Variants in RIGI observed in about 807,000 individuals in gnomAD.
RIGI encodes RNA sensor RIG-I, also known as antiviral innate immune response receptor RIG-I.
chr9:32,472,333 A>G, the RIGI span, among the ~76,000 whole-genome samples: 4 of 152,250 alleles, frequency 2.6e-5, no homozygotes, highest in Non-Finnish European at 5.9e-5. Context: ...TCTGCAGGAC[A>G]TATGAGAGGA....
chr9:32,472,427 G>A, the RIGI span, among the ~76,000 whole-genome samples: 22,541 of 152,164 alleles, frequency 0.15, 1,873 homozygotes, highest in African/African-American at 0.22. Context: ...ACTTGGCTAG[G>A]CCAAACAACA....
At chr9:32,472,012 C>G in the RIGI span, among the ~76,000 whole-genome samples, 1 of 152,016 alleles carries the variant, frequency 6.6e-6, no homozygotes, top group Non-Finnish European at 1.5e-5. Flanking sequence ...GTGCCAGTCA[C>G]TGAGGGGTGG....
At chr9:32,498,281 C>A in the RIGI span, 2 of 456,582 alleles carry the variant, frequency 4.4e-6, no homozygotes, top group African/African-American at 4.0e-5. Context: ...AGTTTTTGAA[C>A]ATGGGTCCCA....
the RIGI span, among the ~76,000 whole-genome samples, chr9:32,521,481 G>A: frequency 6.6e-6 from 1 of 152,096 alleles, no homozygotes; most frequent in South Asian, 2.1e-4. Flanking sequence ...TAACTATTTT[G>A]TAGCGACCTG....
At chr9:32,507,511 C>G in the RIGI span, among the ~76,000 whole-genome samples, 1 of 151,894 alleles carries the variant, frequency 6.6e-6, no homozygotes, top group African/African-American at 2.4e-5. Flanking sequence ...TTATGTGTAC[C>G]AAATCTTCAC....
At chr9:32,491,447 A>G in the RIGI span, 2 of 1,559,850 alleles carry the variant, frequency 1.3e-6, no homozygotes, top group African/African-American at 1.4e-5. Flanking sequence ...AAGTCTTAGA[A>G]TCTTCACATA....
the RIGI span, among the ~76,000 whole-genome samples, chr9:32,515,955 G>A: frequency 9.2e-4 from 140 of 152,202 alleles, no homozygotes; most frequent in African/African-American, 3.0e-3. Context: ...ACAGGATTCC[G>A]TCCCAGGCTC....
the RIGI span, among the ~76,000 whole-genome samples, chr9:32,466,745 G>A: frequency 6.9e-6 from 1 of 144,346 alleles, no homozygotes; most frequent in Non-Finnish European, 1.5e-5. Flanking sequence ...GCACCTGCAT[G>A]TTAAATATGT....
At chr9:32,482,129 C>T in the RIGI span, among the ~76,000 whole-genome samples, 1 of 152,084 alleles carries the variant, frequency 6.6e-6, no homozygotes, top group Non-Finnish European at 1.5e-5. Context: ...AAACTGTTCT[C>T]CCTACCTCTT....
the RIGI span, among the ~76,000 whole-genome samples, chr9:32,524,727 T>C: frequency 6.8e-6 from 1 of 147,600 alleles, no homozygotes; most frequent in Non-Finnish European, 1.5e-5. Flanking sequence ...CTCAGCCTCC[T>C]GAGTAGCTGG....
At chr9:32,483,160 C>T in the RIGI span, among the ~76,000 whole-genome samples, 4 of 152,040 alleles carry the variant, frequency 2.6e-5, no homozygotes, top group Non-Finnish European at 4.4e-5. Context: ...GGTATCAGTT[C>T]GCCAGGGCTC....
chr9:32,518,992 G>C, the RIGI span, among the ~76,000 whole-genome samples: 3 of 152,176 alleles, frequency 2.0e-5, no homozygotes, highest in South Asian at 6.2e-4. Flanking sequence ...TTACAGGCCT[G>C]AGCCACCACG....
the RIGI span, chr9:32,480,439 AT>A: frequency 7.5e-7 from 1 of 1,337,538 alleles, no homozygotes; most frequent in Non-Finnish European, 9.9e-7. Flanking sequence ...TATTTAACGA[AT>A]TGTTTTAAGA....
chr9:32,494,856 CTTTTT>C, the RIGI span, among the ~76,000 whole-genome samples: 1 of 147,992 alleles, frequency 6.8e-6, no homozygotes, highest in African/African-American at 2.5e-5. Flanking sequence ...CCAGGATTTC[CTTTTT>C]TTTTTAAGGC....
the RIGI span, chr9:32,472,926 T>C: frequency 4.6e-6 from 6 of 1,309,246 alleles, no homozygotes; most frequent in Non-Finnish European, 5.4e-6. Context: ...CACACACACA[T>C]ATTCTTAAAT....
the RIGI span, among the ~76,000 whole-genome samples, chr9:32,479,800 G>A: frequency 1.3e-5 from 2 of 148,942 alleles, no homozygotes; most frequent in Non-Finnish European, 3.0e-5. Flanking sequence ...TTGAGCCACT[G>A]CACTTGACCC....
the RIGI span, among the ~76,000 whole-genome samples, chr9:32,457,867 C>T: frequency 6.6e-6 from 1 of 152,170 alleles, no homozygotes; most frequent in Admixed American, 6.5e-5. Context: ...ACAGGCCCCA[C>T]CTAGAGTCAA....
At chr9:32,517,559 A>G in the RIGI span, among the ~76,000 whole-genome samples, 3 of 152,202 alleles carry the variant, frequency 2.0e-5, no homozygotes, top group Non-Finnish European at 4.4e-5. Context: ...AAAAATAGAA[A>G]TGTCTTCAGA....
the RIGI span, chr9:32,488,023 A>C: frequency 6.2e-7 from 1 of 1,614,074 alleles, no homozygotes; most frequent in Non-Finnish European, 8.5e-7. Context: ...GGTGTTGTTT[A>C]CTAGTGTTGT....
Sources: gnomAD v4.1 joint callset for allele counts (sites outside exome capture counted in the v4.1 genomes callset) on GRCh38, gnomAD v4.1.1 for gene constraint, MANE v1.5 for transcripts, NCBI Gene and HGNC (gene_info 2026-07-23, HGNC 2026-07-21) for gene names.